Variants in HCN1 observed in about 807,000 individuals in gnomAD.
HCN1 encodes the protein hyperpolarization activated cyclic nucleotide gated potassium channel 1, also known as potassium/sodium hyperpolarization-activated cyclic nucleotide-gated channel 1.
Under a neutral mutation model 78.9 loss-of-function variants are expected in HCN1, and 13 were observed. That is an observed-to-expected ratio of 0.16 (90% CI 0.11 to 0.26). HCN1 has a LOEUF of 0.26. HCN1 is among the 10% of genes least tolerant of loss of function. HCN1 has a pLI of 1.00. For missense variants in HCN1, 810 were observed against 1,154.3 expected (o/e 0.70, Z 4.32); for synonymous variants, 552 against 455.5 (o/e 1.21, Z -2.70).
chr5:45,296,638 A>C (rs1745500118), intron 6 of HCN1, among the ~76,000 whole-genome samples: 1 of 151,934 alleles, frequency 6.6e-6, no homozygotes, highest in South Asian at 2.1e-4. Context: ...AAATCAATAA[A>C]AATGAAAACA....
chr5:45,338,715 T>G (rs961392060), intron 5 of HCN1, among the ~76,000 whole-genome samples: 1 of 152,158 alleles, frequency 6.6e-6, no homozygotes, highest in Non-Finnish European at 1.5e-5. Flanking sequence ...ATTTTACTGC[T>G]TTTTAGACAT....
intron 2 of HCN1, among the ~76,000 whole-genome samples, chr5:45,551,182 T>C (rs1743360727): frequency 6.6e-6 from 1 of 151,974 alleles, no homozygotes; most frequent in Non-Finnish European, 1.5e-5. Flanking sequence ...GTGATACGCA[T>C]GTCTGATTGT....
chr5:45,532,455 AT>A (rs1742873781), intron 2 of HCN1, among the ~76,000 whole-genome samples: 5 of 152,168 alleles, frequency 3.3e-5, no homozygotes, highest in Admixed American at 3.3e-4. Context: ...AAAATTTGTT[AT>A]TGTAAAATAT....
chr5:45,479,124 T>TAA (rs1160851737), intron 2 of HCN1, among the ~76,000 whole-genome samples: 17 of 137,138 alleles, frequency 1.2e-4, no homozygotes, highest in African/African-American at 3.5e-4. Flanking sequence ...GAGACTGTTT[T>TAA]AAAAAAAAAA....
At chr5:45,278,862 C>G (rs1745111307) in intron 6 of HCN1, among the ~76,000 whole-genome samples, 1 of 151,940 alleles carries the variant, frequency 6.6e-6, no homozygotes, top group Admixed American at 6.6e-5. Context: ...CAACCATTGG[C>G]TTATTGAACT....
At chr5:45,603,711 T>C (rs536024699) in intron 2 of HCN1, among the ~76,000 whole-genome samples, 2 of 152,168 alleles carry the variant, frequency 1.3e-5, no homozygotes, top group Admixed American at 6.6e-5. Context: ...TGGAGTGTCA[T>C]GCCCAACAGA....
rs534612359 is a variant in HCN1 at position 45,551,753 on chromosome 5, G to A, written c.850-89746C>T. On this transcript the variant is annotated intron_variant, in intron 2 of 7. Coordinates refer to ENST00000303230, the MANE Select transcript of HCN1 (RefSeq NM_021072.4). ...TTTTGTGATTGTGGAGGATTACTCC[G>A]AACAACTCTATAAAGGATTTATAAC... Among the ~76,000 whole-genome samples, 8 of 151,852 alleles carry A rather than the reference G, an allele frequency of 5.3e-5. No individual in the cohort carries two copies. In the South Asian group the frequency reaches 6.2e-4, roughly 12 times the overall value.
At chr5:45,675,019 A>G (rs1746238288) in intron 1 of HCN1, among the ~76,000 whole-genome samples, 1 of 151,826 alleles carries the variant, frequency 6.6e-6, no homozygotes, top group African/African-American at 2.4e-5. Flanking sequence ...AGGATTCCCA[A>G]CTATTGCTAC....
At chr5:45,350,247 C>T (rs545526327) in intron 5 of HCN1, among the ~76,000 whole-genome samples, 2 of 152,068 alleles carry the variant, frequency 1.3e-5, no homozygotes, top group Non-Finnish European at 2.9e-5. Context: ...TGTAATCCAG[C>T]AAATAAACAG....
At chr5:45,399,627 C>T (rs1739754860) in intron 3 of HCN1, among the ~76,000 whole-genome samples, 1 of 151,844 alleles carries the variant, frequency 6.6e-6, no homozygotes, top group South Asian at 2.1e-4. Flanking sequence ...TAGGGTTTTC[C>T]AACATCAAAT....
intron 5 of HCN1, among the ~76,000 whole-genome samples, chr5:45,311,502 G>C (rs1470224441): frequency 2.0e-5 from 3 of 152,032 alleles, no homozygotes; most frequent in Admixed American, 6.6e-5. Context: ...GTTAAAATAA[G>C]TCATAAGAAA....
At chr5:45,549,982 A>C (rs1743329971) in intron 2 of HCN1, among the ~76,000 whole-genome samples, 2 of 152,166 alleles carry the variant, frequency 1.3e-5, no homozygotes, top group South Asian at 2.1e-4. Context: ...GGCGATCATT[A>C]AAAAGTCAGG....
At chr5:45,426,083 G>A (rs1253951532) in intron 3 of HCN1, among the ~76,000 whole-genome samples, 1 of 152,164 alleles carries the variant, frequency 6.6e-6, no homozygotes, top group Admixed American at 6.5e-5. Context: ...CTCTCTTAAA[G>A]TAGGGTTTCA....
chr5:45,493,445 A>C (rs899072577), intron 2 of HCN1, among the ~76,000 whole-genome samples: 1 of 152,106 alleles, frequency 6.6e-6, no homozygotes, highest in Non-Finnish European at 1.5e-5. Flanking sequence ...CTTTTACATA[A>C]ATGAATGTTT....
intron 2 of HCN1, among the ~76,000 whole-genome samples, chr5:45,514,581 G>A (rs887495291): frequency 3.3e-5 from 5 of 151,950 alleles, no homozygotes; most frequent in African/African-American, 7.2e-5. Flanking sequence ...ATGTTTAAGC[G>A]TTCTTTATCC....
intron 3 of HCN1, among the ~76,000 whole-genome samples, chr5:45,435,997 T>G (rs1740554520): frequency 6.6e-6 from 1 of 152,208 alleles, no homozygotes; most frequent in Non-Finnish European, 1.5e-5. Context: ...TATCTGGACT[T>G]CTTGAATTAT....
chr5:45,438,055 A>G (rs1348511599), intron 3 of HCN1, among the ~76,000 whole-genome samples: 2 of 152,220 alleles, frequency 1.3e-5, no homozygotes, highest in Non-Finnish European at 2.9e-5. Context: ...CTAATCTCAT[A>G]AGTGACATAT....
At chr5:45,417,518 A>G (rs983256214) in intron 3 of HCN1, among the ~76,000 whole-genome samples, 2 of 151,876 alleles carry the variant, frequency 1.3e-5, no homozygotes, top group African/African-American at 4.8e-5. Flanking sequence ...TCTAAAATAA[A>G]TACAAGGTCA....
At chr5:45,581,931 G>GTACA (rs1224398747) in intron 2 of HCN1, among the ~76,000 whole-genome samples, 1 of 152,178 alleles carries the variant, frequency 6.6e-6, no homozygotes, top group African/African-American at 2.4e-5. Context: ...TAGCCTTGTA[G>GTACA]TACAGTTTGA....
Sources: allele counts gnomAD v4.1 joint callset (sites outside exome capture counted in the v4.1 genomes callset), GRCh38; gene constraint gnomAD v4.1.1; transcripts MANE v1.5; gene names NCBI Gene and HGNC (gene_info 2026-07-23, HGNC 2026-07-21).